Variants in RAB31 observed in about 807,000 individuals in gnomAD.
The protein encoded by RAB31 is RAB31, member RAS oncogene family.
RAB31 carries 21 observed loss-of-function variants against 25.6 expected under a neutral mutation model. That is an observed-to-expected ratio of 0.82 (90% confidence interval 0.58 to 1.18). The LOEUF (loss-of-function observed/expected upper bound fraction) is 1.18, where lower values mean the gene tolerates loss of function less well. RAB31 is among the 50% of genes most tolerant of loss of function. RAB31 has a pLI of 0.00. For missense variants in RAB31, 196 were observed against 250.1 expected (o/e 0.78, Z 1.46); for synonymous variants, 87 against 84.0 (o/e 1.04, Z -0.20).
chr18:9,708,570 T>C lies in RAB31; in HGVS notation c.39+126T>C. 1 of 802,296 alleles carries C rather than the reference T, an allele frequency of 1.2e-6. No homozygotes were observed. 49.7% of individuals were successfully genotyped at this position (802,296 alleles called of 1,614,324 possible). On this transcript the variant is annotated intron_variant, in intron 1 of 6. Coordinates refer to ENST00000578921, the MANE Select transcript of RAB31 (RefSeq NM_006868.4). This position sits in a 1 kb window ranked among gnomAD's most constrained non-coding sequence, Gnocchi z 6.4. ...CTCCGCACCCCTCTCGTAGCCCCCG[T>C]CCCCCTCGTCCGCGCGCCCCCTGGT...
At chr18:9,843,775 G>C (rs1599064024) in intron 5 of RAB31, among the ~76,000 whole-genome samples, 1 of 152,094 alleles carries the variant, frequency 6.6e-6, no homozygotes, top group East Asian at 1.9e-4. Flanking sequence ...CACTGACTTG[G>C]CTCCAGGGAC....
At chr18:9,823,441 T>A (rs1347801485) in intron 5 of RAB31, among the ~76,000 whole-genome samples, 4 of 152,118 alleles carry the variant, frequency 2.6e-5, no homozygotes, top group Admixed American at 2.6e-4. Flanking sequence ...CTGAATAAGA[T>A]AGAATGCATC....
chr18:9,791,897 C>T (rs983609806), intron 2 of RAB31, among the ~76,000 whole-genome samples: 1 of 152,232 alleles, frequency 6.6e-6, no homozygotes, highest in Non-Finnish European at 1.5e-5. Context: ...ACCACCGCGC[C>T]TGGCCAGAAA....
chr18:9,739,544 TA>T (rs35363534), intron 1 of RAB31, among the ~76,000 whole-genome samples: 7,728 of 148,242 alleles, frequency 0.052, 236 homozygotes, highest in Middle Eastern at 0.085. Flanking sequence ...TGTAATGTGC[TA>T]AAAAAAAAAA....
chr18:9,708,343 G>C lies in RAB31; in HGVS notation c.-63G>C. On this transcript the variant is annotated 5_prime_UTR_variant, in exon 1 of 7. Transcript: ENST00000578921. This position sits in a 1 kb window ranked among gnomAD's most constrained non-coding sequence, Gnocchi z 6.4. ...GGGGCAGAGGCGAGAGACGCCGGCG[G>C]GGCGCGGGCGCGGCGGCCCCGGAGG... 7.5e-7 allele frequency: 1 copy of C among 1,339,938 alleles called. No homozygotes were observed. The highest frequency in any genetic ancestry group is 9.9e-7 in the Non-Finnish European group (1 of 1,009,624). 83.0% of individuals were successfully genotyped at this position (1,339,938 alleles called of 1,614,324 possible).
intron 1 of RAB31, among the ~76,000 whole-genome samples, chr18:9,714,299 C>G (rs1450507675): frequency 6.6e-6 from 1 of 152,190 alleles, no homozygotes; most frequent in Non-Finnish European, 1.5e-5. Context: ...TGTTCCACGT[C>G]AGATCATCAG....
At chr18:9,803,678 G>A (rs1039876450) in intron 3 of RAB31, among the ~76,000 whole-genome samples, 1 of 152,190 alleles carries the variant, frequency 6.6e-6, no homozygotes, top group South Asian at 2.1e-4. Flanking sequence ...GAAGCCCCAG[G>A]AATCCTTCAT....
At chr18:9,814,989 A>T (rs16955694) in intron 4 of RAB31, 127 bp from the exon 5 acceptor site, 1 of 632,824 alleles carries the variant, frequency 1.6e-6, no homozygotes, top group Non-Finnish European at 2.7e-6. Context: ...CAGAGGTAGT[A>T]TGTTAATCTG....
chr18:9,798,686 A>G (rs983496325), intron 3 of RAB31, among the ~76,000 whole-genome samples: 2 of 151,916 alleles, frequency 1.3e-5, no homozygotes, highest in African/African-American at 4.8e-5. Context: ...TGATGCAATC[A>G]TAGCTCACTG....
intron 3 of RAB31, among the ~76,000 whole-genome samples, chr18:9,800,347 CT>C (rs1396894315): frequency 6.6e-6 from 1 of 152,142 alleles, no homozygotes; most frequent in Non-Finnish European, 1.5e-5. Context: ...CCGTGCTATA[CT>C]TTTACACAGT....
At chr18:9,770,280 T>C (rs2068337652) in intron 1 of RAB31, among the ~76,000 whole-genome samples, 2 of 152,170 alleles carry the variant, frequency 1.3e-5, no homozygotes, top group South Asian at 4.1e-4. Context: ...CTCCTCCTTG[T>C]AGTGGGAGGT....
intron 5 of RAB31, among the ~76,000 whole-genome samples, chr18:9,816,441 T>C (rs1428129932): frequency 6.6e-6 from 1 of 152,254 alleles, no homozygotes; most frequent in East Asian, 1.9e-4. Context: ...TTATGACTAC[T>C]AGCACAATTT....
chr18:9,710,072 G>T (rs778412042), intron 1 of RAB31, among the ~76,000 whole-genome samples: 14 of 152,116 alleles, frequency 9.2e-5, no homozygotes, highest in African/African-American at 1.7e-4. Context: ...AAGCCCTGCC[G>T]TGTCACAGGA....
intron 5 of RAB31, among the ~76,000 whole-genome samples, chr18:9,839,777 G>T (rs564138792): frequency 6.6e-6 from 1 of 152,238 alleles, no homozygotes; most frequent in South Asian, 2.1e-4. Context: ...CAGCATGAAC[G>T]GCAGGTCCCT....
At chr18:9,841,782 G>A in intron 5 of RAB31, among the ~76,000 whole-genome samples, 1 of 152,156 alleles carries the variant, frequency 6.6e-6, no homozygotes, top group East Asian at 1.9e-4. Context: ...AATATCAGAT[G>A]AGTTAACATG....
intron 2 of RAB31, among the ~76,000 whole-genome samples, chr18:9,783,711 CA>C (rs1309392696): frequency 1.3e-5 from 2 of 152,072 alleles, no homozygotes; most frequent in East Asian, 1.9e-4. Context: ...GGAAAATAGT[CA>C]AAAAATGAAT....
chr18:9,791,599 A>G (rs1448411192), intron 2 of RAB31, among the ~76,000 whole-genome samples: 1 of 150,894 alleles, frequency 6.6e-6, no homozygotes, highest in Non-Finnish European at 1.5e-5. Context: ...TTATTATCAT[A>G]TACATATTTT....
intron 1 of RAB31, among the ~76,000 whole-genome samples, chr18:9,752,223 T>A (rs1247128523): frequency 6.6e-6 from 1 of 152,100 alleles, no homozygotes; most frequent in African/African-American, 2.4e-5. Flanking sequence ...CTTGGCTGTT[T>A]TATTTATTTA....
chr18:9,744,575 A>G (rs2068196177), intron 1 of RAB31, among the ~76,000 whole-genome samples: 1 of 152,230 alleles, frequency 6.6e-6, no homozygotes, highest in African/African-American at 2.4e-5. Context: ...ATTAAAAATA[A>G]CAAAGGCACC....
Sources: allele counts gnomAD v4.1 joint callset (sites outside exome capture counted in the v4.1 genomes callset), GRCh38; gene constraint gnomAD v4.1.1; non-coding constraint Gnocchi (gnomAD v3.1); transcripts MANE v1.5; gene names NCBI Gene and HGNC (gene_info 2026-07-23, HGNC 2026-07-21).